Variants in COPB1 observed in about 807,000 individuals in gnomAD.
The protein encoded by COPB1 is coatomer subunit beta.
In COPB1, 21 loss-of-function variants were observed where a neutral mutation model predicts 108.7. The observed-to-expected ratio is 0.19, with a 90% CI of 0.14 to 0.28. COPB1 has a LOEUF of 0.28. Ranked by LOEUF, COPB1 falls within the 10% of genes least tolerant of loss-of-function variation. The pLI is 1.00. For synonymous variants in COPB1, 378 were observed against 386.8 expected, an observed-to-expected ratio of 0.98 and a Z score of 0.27; for missense variants, 919 against 1,141.3, an observed-to-expected ratio of 0.81 and a Z score of 2.81.
At chr11:14,482,154 T>C (rs894031751) in intron 8 of COPB1, among the ~76,000 whole-genome samples, 3 of 152,202 alleles carry the variant, frequency 2.0e-5, no homozygotes, top group African/African-American at 7.2e-5. Flanking sequence ...GATAATTTCT[T>C]ATATAACCAC....
At chr11:14,472,343 T>G (rs1241077673) in intron 14 of COPB1, among the ~76,000 whole-genome samples, 1 of 152,248 alleles carries the variant, frequency 6.6e-6, no homozygotes, top group Non-Finnish European at 1.5e-5. Flanking sequence ...TAGGTCTCAA[T>G]GGTGAGCTTA....
At chr11:14,462,081 A>C (rs1850167816) in intron 18 of COPB1, among the ~76,000 whole-genome samples, 1 of 151,832 alleles carries the variant, frequency 6.6e-6, no homozygotes, top group South Asian at 2.1e-4. Flanking sequence ...TTTTTTCTAA[A>C]ATATTTTCAG....
chr11:14,461,700 T>C (rs754416820), intron 18 of COPB1, among the ~76,000 whole-genome samples: 6 of 152,206 alleles, frequency 3.9e-5, no homozygotes, highest in Non-Finnish European at 7.4e-5. Context: ...TGCAGCATAC[T>C]AGGCACTGCA....
intron 8 of COPB1, among the ~76,000 whole-genome samples, chr11:14,481,982 G>A (rs1178102575): frequency 6.6e-6 from 1 of 152,008 alleles, no homozygotes; most frequent in Non-Finnish European, 1.5e-5. Flanking sequence ...GAGACAGGGA[G>A]GGTTTCACCA....
intron 4 of COPB1, 100 bp from the exon 5 acceptor site, chr11:14,490,779 C>G: frequency 1.6e-6 from 1 of 645,066 alleles, no homozygotes; most frequent in Non-Finnish European, 2.6e-6. Flanking sequence ...TCAAACTTTA[C>G]AACATACTTT....
rs1850139042 is a variant in COPB1, at chr11:14,461,136, G to A, written c.2556+50C>T. The A allele has an allele frequency of 1.9e-6, 3 of 1,610,242 alleles. No individual in the cohort carries two copies. The South Asian group carries it at 3.3e-5, about 18-fold the overall frequency. ...TTATTAGCAGACTCCTCAACAGCAG[G>A]CAAAAGGAAGAAAGATAAAGGAATA... is the stretch of plus-strand genomic sequence containing the variant. On this transcript the variant is annotated intron_variant, in intron 19 of 21. Transcript: ENST00000439561.
chr11:14,460,890 C>T (rs1040461107), intron 19 of COPB1, among the ~76,000 whole-genome samples: 3 of 152,046 alleles, frequency 2.0e-5, no homozygotes, highest in African/African-American at 7.2e-5. Context: ...CTTTTTCGGG[C>T]ACTAGATTAA....
chr11:14,494,500 A>C, intron 2 of COPB1, 61 bp from the exon 3 acceptor site: 1 of 993,786 alleles, frequency 1.0e-6, no homozygotes, highest in South Asian at 1.5e-5. Flanking sequence ...TCATCACATA[A>C]ATTTAAAAGC....
At chr11:14,490,537 TAA>T (rs780976724) in intron 5 of COPB1, 26 bp downstream of exon 5, 5 of 1,254,760 alleles carry the variant, frequency 4.0e-6, no homozygotes, top group South Asian at 3.8e-5. Flanking sequence ...AATACAGTAA[TAA>T]GAGTATTTTT....
chr11:14,487,630 G>A (rs1219562916), intron 6 of COPB1, among the ~76,000 whole-genome samples: 4 of 151,270 alleles, frequency 2.6e-5, no homozygotes, highest in Non-Finnish European at 5.9e-5. Flanking sequence ...AGCCGCGATC[G>A]CACCACTGCA....
At chr11:14,491,063 C>G (rs1468241089) in intron 4 of COPB1, among the ~76,000 whole-genome samples, 3 of 151,908 alleles carry the variant, frequency 2.0e-5, no homozygotes, top group Non-Finnish European at 4.4e-5. Flanking sequence ...GCTGGGATTA[C>G]AGGTGTGAGC....
chr11:14,465,459 A>G (rs765033422), intron 17 of COPB1, among the ~76,000 whole-genome samples: 4 of 152,106 alleles, frequency 2.6e-5, no homozygotes, highest in African/African-American at 7.2e-5. Flanking sequence ...CAGCCTCCTG[A>G]GTCGCTGGGA....
intron 3 of COPB1, 108 bp from the exon 4 acceptor site, chr11:14,493,919 A>T: frequency 1.0e-6 from 1 of 998,222 alleles, no homozygotes; most frequent in Non-Finnish European, 1.4e-6. Flanking sequence ...GAAAAAACCT[A>T]GATTACCGAC....
intron 19 of COPB1, among the ~76,000 whole-genome samples, chr11:14,460,688 G>C (rs1565010268): frequency 6.6e-6 from 1 of 151,970 alleles, no homozygotes; most frequent in East Asian, 1.9e-4. Flanking sequence ...ATTTTTTGTA[G>C]AGATGGAGTT....
intron 7 of COPB1, among the ~76,000 whole-genome samples, chr11:14,484,097 C>G (rs1850717295): frequency 6.6e-6 from 1 of 152,210 alleles, no homozygotes; most frequent in South Asian, 2.1e-4. Context: ...CAACCTCAAT[C>G]TGAGAAAACA....
chr11:14,474,746 C>T (rs1216945196), intron 13 of COPB1, 131 bp from the exon 14 acceptor site: 1 of 1,282,656 alleles, frequency 7.8e-7, no homozygotes, highest in Non-Finnish European at 1.0e-6. Context: ...CCTTAGCTAA[C>T]TAACTCCTTA....
chr11:14,468,667 A>C lies in COPB1; in HGVS notation c.2145+14T>G, dbSNP rs1850335677. 7 of 1,611,386 alleles carry C rather than the reference A, an allele frequency of 4.3e-6. No individual in the cohort carries two copies. Among genetic ancestry groups the C allele is most frequent in the Non-Finnish European group, 5.9e-6 (7 of 1,178,286 alleles). On this transcript the variant is annotated intron_variant, in intron 16 of 21. Transcript: ENST00000439561. ...CGATTTAAATAATTTAGAGTCTATC[A>C]GACATTTTGTTACCTTGTTAAGTTT...
At chr11:14,487,970 A>C (rs193227842) in intron 6 of COPB1, among the ~76,000 whole-genome samples, 7 of 152,350 alleles carry the variant, frequency 4.6e-5, no homozygotes, top group Admixed American at 2.6e-4. Context: ...CTTTCAAAGG[A>C]TATATCATAG....
chr11:14,461,142 G>A, intron 19 of COPB1, 44 bp downstream of exon 19: 1 of 1,612,228 alleles, frequency 6.2e-7, no homozygotes, highest in Non-Finnish European at 8.5e-7. Flanking sequence ...GCAGGCAAAA[G>A]GAAGAAAGAT....
Sources: allele counts gnomAD v4.1 joint callset (sites outside exome capture counted in the v4.1 genomes callset), GRCh38; gene constraint gnomAD v4.1.1; transcripts MANE v1.5; gene names NCBI Gene and HGNC (gene_info 2026-07-23, HGNC 2026-07-21).